Variants in SPRED2 observed in about 807,000 individuals in gnomAD.
SPRED2 encodes the protein sprouty-related, EVH1 domain-containing protein 2.
Under a neutral mutation model 43.0 loss-of-function variants are expected in SPRED2, and 47 were observed. That is an observed-to-expected ratio of 1.09 (90% CI 0.87 to 1.40). SPRED2 has a LOEUF of 1.40. Among genes scored for constraint, SPRED2 ranks in the 40% most tolerant of loss-of-function variants. The probability of loss-of-function intolerance (pLI) is 0.00; values close to 1 mark genes in which losing one functional copy is unlikely to be tolerated. For synonymous variants in SPRED2, 225 were observed against 225.7 expected, an observed-to-expected ratio of 1.00 and a Z score of 0.03; for missense variants, 561 against 586.4, an observed-to-expected ratio of 0.96 and a Z score of 0.45.
At position 65,312,975 on chromosome 2, in the gene SPRED2, C is replaced by G. The variant is rs555841076; in HGVS notation, c.*526G>C. On this transcript the variant is annotated 3_prime_UTR_variant, in exon 6 of 6. Coordinates refer to ENST00000356388, the MANE Select transcript of SPRED2 (RefSeq NM_181784.3). ...CTCACCTCCTATACATAATAACTGA[C>G]TGCAGGCTGAGATACTTCTGTCGGG... 2 of 985,820 alleles carry G rather than the reference C, an allele frequency of 2.0e-6. No individual in the cohort carries two copies. Among genetic ancestry groups the G allele is most frequent in the East Asian group, 1.1e-4 (1 of 8,832 alleles). 61.1% of individuals were successfully genotyped at this position (985,820 alleles called of 1,614,324 possible).
At chr2:65,430,212 G>T (rs181060323) in intron 1 of SPRED2, among the ~76,000 whole-genome samples, 2 of 152,172 alleles carry the variant, frequency 1.3e-5, no homozygotes, top group Admixed American at 6.5e-5. Flanking sequence ...CCCTAAAAGC[G>T]CAACTTTTTT....
chr2:65,336,658 GAATTT>G (rs1673975563), intron 2 of SPRED2, among the ~76,000 whole-genome samples: 1 of 152,078 alleles, frequency 6.6e-6, no homozygotes, highest in Non-Finnish European at 1.5e-5. Context: ...ATCTATTTTA[GAATTT>G]AATAGTCTCA....
chr2:65,320,076 C>T (rs767029098), intron 4 of SPRED2, among the ~76,000 whole-genome samples: 1 of 152,214 alleles, frequency 6.6e-6, no homozygotes, highest in Non-Finnish European at 1.5e-5. Flanking sequence ...TGATGTCTCA[C>T]AGTACAAAGG....
At chr2:65,420,165 G>A (rs1251280746) in intron 1 of SPRED2, among the ~76,000 whole-genome samples, 2 of 136,682 alleles carry the variant, frequency 1.5e-5, no homozygotes, top group African/African-American at 5.8e-5. Flanking sequence ...AGCCAAGACT[G>A]CACCACTGCA....
chr2:65,399,053 C>T (rs1247684071), intron 1 of SPRED2, among the ~76,000 whole-genome samples: 1 of 151,942 alleles, frequency 6.6e-6, no homozygotes, highest in Non-Finnish European at 1.5e-5. Context: ...CCAAGGTGGG[C>T]GGATCACGAG....
At chr2:65,357,436 G>A (rs1674685759) in intron 1 of SPRED2, among the ~76,000 whole-genome samples, 1 of 152,142 alleles carries the variant, frequency 6.6e-6, no homozygotes, top group South Asian at 2.1e-4. Context: ...CTCTCACGTG[G>A]AAAAATTAAA....
chr2:65,341,185 G>C (rs1008740787), intron 2 of SPRED2, among the ~76,000 whole-genome samples: 2 of 151,798 alleles, frequency 1.3e-5, no homozygotes, highest in Non-Finnish European at 2.9e-5. Context: ...GTACCACTCA[G>C]TACAGAAATC....
intron 1 of SPRED2, among the ~76,000 whole-genome samples, chr2:65,414,145 A>G (rs1379177680): frequency 6.6e-6 from 1 of 152,248 alleles, no homozygotes; most frequent in Non-Finnish European, 1.5e-5. Flanking sequence ...GAGCATTTTC[A>G]AAGAACAATT....
chr2:65,351,450 G>C (rs1395229046), intron 1 of SPRED2, among the ~76,000 whole-genome samples: 1 of 151,964 alleles, frequency 6.6e-6, no homozygotes, highest in East Asian at 1.9e-4. Flanking sequence ...CTCAACATTA[G>C]ATTCACTTCC....
chr2:65,383,581 C>T (rs1675426312), intron 1 of SPRED2, among the ~76,000 whole-genome samples: 1 of 152,120 alleles, frequency 6.6e-6, no homozygotes. Context: ...AAGGCCGCTC[C>T]CCACCGTTAC....
intron 1 of SPRED2, among the ~76,000 whole-genome samples, chr2:65,362,641 C>T (rs528959082): frequency 1.3e-5 from 2 of 152,122 alleles, no homozygotes; most frequent in South Asian, 4.1e-4. Flanking sequence ...GGTGGATAAC[C>T]TGAGGTCAGG....
chr2:65,320,078 G>C (rs1673367463), intron 4 of SPRED2, among the ~76,000 whole-genome samples: 1 of 152,204 alleles, frequency 6.6e-6, no homozygotes, highest in African/African-American at 2.4e-5. Flanking sequence ...ATGTCTCACA[G>C]TACAAAGGTT....
At chr2:65,364,955 A>G (rs753573105) in intron 1 of SPRED2, among the ~76,000 whole-genome samples, 6 of 152,198 alleles carry the variant, frequency 3.9e-5, no homozygotes, top group Non-Finnish European at 7.4e-5. Context: ...AAGATGGCAA[A>G]ATATGGGTCT....
intron 4 of SPRED2, among the ~76,000 whole-genome samples, chr2:65,323,703 C>T (rs538748673): frequency 5.2e-4 from 79 of 151,956 alleles, no homozygotes; most frequent in African/African-American, 1.8e-3. Context: ...GGTGAGACCC[C>T]GTCTCTACTA....
intron 1 of SPRED2, among the ~76,000 whole-genome samples, chr2:65,401,937 G>GCACACACACACA (rs1553426622): frequency 1.2e-4 from 14 of 114,736 alleles, no homozygotes; most frequent in South Asian, 5.2e-4. Flanking sequence ...GCGCGCGCGC[G>GCACACACACACA]CACACACACA....
intron 1 of SPRED2, among the ~76,000 whole-genome samples, chr2:65,397,787 C>T (rs760176806): frequency 1.4e-4 from 21 of 151,972 alleles, no homozygotes; most frequent in African/African-American, 2.9e-4. Flanking sequence ...TGAGTAGAAT[C>T]GATATTGTGA....
downstream of SPRED2, chr2:65,308,696 T>C: frequency 2.2e-6 from 1 of 450,396 alleles, no homozygotes; most frequent in Non-Finnish European, 2.9e-6. Flanking sequence ...TTATCCCACT[T>C]GTTAAATCTG....
At chr2:65,340,415 G>A (rs1453753096) in intron 2 of SPRED2, among the ~76,000 whole-genome samples, 3 of 152,170 alleles carry the variant, frequency 2.0e-5, no homozygotes, top group South Asian at 4.1e-4. Context: ...AGCTTTGCCA[G>A]CTCAAATTCC....
intron 1 of SPRED2, among the ~76,000 whole-genome samples, chr2:65,413,720 T>C (rs1676213874): frequency 6.6e-6 from 1 of 152,200 alleles, no homozygotes; most frequent in African/African-American, 2.4e-5. Flanking sequence ...TTGATTGGCA[T>C]ATTTTCTGAT....
Sources: gnomAD v4.1 joint callset for allele counts (sites outside exome capture counted in the v4.1 genomes callset) on GRCh38, gnomAD v4.1.1 for gene constraint, MANE v1.5 for transcripts, NCBI Gene and HGNC (gene_info 2026-07-23, HGNC 2026-07-21) for gene names.